PTCHD4: variants seen among roughly 807,000 people sequenced by gnomAD.
The protein encoded by PTCHD4 is patched domain containing 4.
PTCHD4 carries 33 observed loss-of-function variants against 58.1 expected under a neutral mutation model. The ratio of observed to expected loss-of-function variants is 0.57; its 90% CI spans 0.43 to 0.76. PTCHD4 has a LOEUF of 0.76. Among genes scored for constraint, PTCHD4 ranks in the 30% least tolerant of loss-of-function variants. The probability of loss-of-function intolerance (pLI) is 0.00; values close to 1 mark genes in which losing one functional copy is unlikely to be tolerated. For synonymous variants in PTCHD4, 478 were observed against 409.6 expected, an observed-to-expected ratio of 1.17 and a Z score of -2.02; for missense variants, 1,058 against 1,027.1, an observed-to-expected ratio of 1.03 and a Z score of -0.41.
intron 3 of PTCHD4, among the ~76,000 whole-genome samples, chr6:48,039,807 C>A (rs1425642716): frequency 6.6e-6 from 1 of 151,996 alleles, no homozygotes; most frequent in Admixed American, 6.6e-5. Flanking sequence ...TTCATTGCTT[C>A]CATGAACACT....
At chr6:48,001,760 G>A (rs530457510) in intron 4 of PTCHD4, among the ~76,000 whole-genome samples, 78 of 152,246 alleles carry the variant, frequency 5.1e-4, no homozygotes, top group Middle Eastern at 3.4e-3. Flanking sequence ...TTGACAAATG[G>A]GATCTAATTA....
rs1763867407 is a variant in PTCHD4 at position 47,877,101 on chromosome 6, G to A, written c.*1202C>T. ...GCAAGGAATACACTAGAGTTTATAGGATTAGAATAGTTTCCTTATGCTAAG... is the reference window on the plus strand; with the variant it reads ...GCAAGGAATACACTAGAGTTTATAGAATTAGAATAGTTTCCTTATGCTAAG... On this transcript the variant is annotated 3_prime_UTR_variant, in exon 5 of 5. Transcript: ENST00000339488. 6.6e-6 allele frequency among the ~76,000 whole-genome samples: 1 copy of A among 151,996 alleles called. No individual in the cohort carries two copies. The highest frequency in any genetic ancestry group is 6.6e-5 in the Admixed American group (1 of 15,214).
At chr6:47,982,471 T>A (rs1462541405) in intron 4 of PTCHD4, among the ~76,000 whole-genome samples, 1 of 148,570 alleles carries the variant, frequency 6.7e-6, no homozygotes, top group Non-Finnish European at 1.5e-5. Flanking sequence ...CTAGTCTGTT[T>A]TATCTCTCTC....
intron 3 of PTCHD4, among the ~76,000 whole-genome samples, chr6:48,018,705 T>G (rs545637496): frequency 6.6e-6 from 1 of 152,374 alleles, no homozygotes; most frequent in South Asian, 2.1e-4. Context: ...CAAATACTAG[T>G]ATTTCCATAA....
chr6:48,054,198 A>C (rs1468890735), intron 3 of PTCHD4, among the ~76,000 whole-genome samples: 1 of 152,216 alleles, frequency 6.6e-6, no homozygotes, highest in Non-Finnish European at 1.5e-5. Flanking sequence ...TTGAAGAATC[A>C]TTGAACTATA....
rs1438441336 is a variant in PTCHD4 at position 47,877,532 on chromosome 6, T to C, written c.*771A>G. Among the ~76,000 whole-genome samples, 1 of 152,100 alleles carries C rather than the reference T, an allele frequency of 6.6e-6. No homozygotes were observed. The highest frequency in any genetic ancestry group is 1.9e-4 in the East Asian group (1 of 5,162). The stretch of plus-strand genomic sequence containing the variant: ...AAGTCATCCAAAGCAAAAGTCTAGA[T>C]GACTGCTGACATGATATGCATAATC... On this transcript the variant is annotated 3_prime_UTR_variant, in exon 5 of 5. Coordinates refer to ENST00000339488, the MANE Select transcript of PTCHD4 (RefSeq NM_001384253.1).
Position 48,068,531 on chromosome 6 carries a change from G to A in PTCHD4, c.116C>T (p.Pro39Leu). Residue 39 changes from proline to leucine, a missense_variant, in exon 3 of 5, where the codon CCG (proline) becomes CTG (leucine). By Grantham distance (98) the Pro-to-Leu change is moderately conservative. Coordinates refer to ENST00000339488, the MANE Select transcript of PTCHD4 (RefSeq NM_001384253.1). The surrounding 1 kb of genome is among the most constrained non-coding windows in gnomAD (Gnocchi z 4.2). ...HRLGLCVSRH[P>L]VFFLTVPAVL... ...TGCGGGCACGGTGAGGAAAAAGACC[G>A]GGTGCCGGCTCACGCACAAACCCAG... 2 of 1,610,774 alleles carry A rather than the reference G, an allele frequency of 1.2e-6. No homozygotes were observed. Among genetic ancestry groups the A allele is most frequent in the East Asian group, 2.2e-5 (1 of 44,806 alleles).
At chr6:47,976,891 T>C (rs1364381135) in intron 4 of PTCHD4, among the ~76,000 whole-genome samples, 1 of 152,102 alleles carries the variant, frequency 6.6e-6, no homozygotes, top group Non-Finnish European at 1.5e-5. Context: ...CATCAGTTAT[T>C]AAGATGAAAT....
chr6:48,082,425 A>T (rs1300571041), intron 1 of PTCHD4, among the ~76,000 whole-genome samples: 1 of 152,192 alleles, frequency 6.6e-6, no homozygotes, highest in South Asian at 2.1e-4. Context: ...TAATTTCCTG[A>T]TGATAGGACA....
rs1334706709 is a variant in PTCHD4 at position 47,861,584 on chromosome 6, CA to C, written c.*16718del. The stretch of plus-strand genomic sequence containing the variant: ...CTCATTGACATTTATGTCCAACAAA[CA>C]AAAAAATCAGTATAGCAACTTCTAT... On this transcript the variant is annotated 3_prime_UTR_variant, in exon 5 of 5. Coordinates refer to ENST00000339488, the MANE Select transcript of PTCHD4 (RefSeq NM_001384253.1). Among the ~76,000 whole-genome samples the C allele has an allele frequency of 3.3e-5, 5 of 151,870 alleles. No homozygotes were observed. The highest frequency in any genetic ancestry group is 9.6e-5 in the African/African-American group (4 of 41,482).
At chr6:47,978,592 A>G (rs956886712) in intron 4 of PTCHD4, among the ~76,000 whole-genome samples, 2 of 152,214 alleles carry the variant, frequency 1.3e-5, no homozygotes, top group African/African-American at 4.8e-5. Context: ...AATTGCTATC[A>G]GTTATTTCAT....
intron 3 of PTCHD4, among the ~76,000 whole-genome samples, chr6:48,066,601 C>T (rs1280778015): frequency 9.9e-5 from 15 of 152,136 alleles, no homozygotes; most frequent in Admixed American, 1.3e-4. Flanking sequence ...GCAAAGGATT[C>T]GGGGAAATGA....
intron 4 of PTCHD4, among the ~76,000 whole-genome samples, chr6:47,926,589 T>C (rs899435379): frequency 2.0e-5 from 3 of 152,204 alleles, no homozygotes; most frequent in Non-Finnish European, 4.4e-5. Flanking sequence ...CATAAGCACA[T>C]TATAGGCTTG....
intron 4 of PTCHD4, among the ~76,000 whole-genome samples, chr6:47,951,121 T>C (rs2113946677): frequency 6.6e-6 from 1 of 152,314 alleles, no homozygotes; most frequent in Admixed American, 6.5e-5. Flanking sequence ...TTTTTTTAAA[T>C]AGGAGATATT....
intron 4 of PTCHD4, among the ~76,000 whole-genome samples, chr6:47,929,374 A>G (rs1403262962): frequency 2.0e-5 from 3 of 152,174 alleles, no homozygotes; most frequent in African/African-American, 7.2e-5. Flanking sequence ...TTATTTTTTA[A>G]CCTTTACACT....
chr6:47,995,978 A>G (rs1355451567), intron 4 of PTCHD4, among the ~76,000 whole-genome samples: 1 of 152,182 alleles, frequency 6.6e-6, no homozygotes, highest in Non-Finnish European at 1.5e-5. Flanking sequence ...CTTTTATTTT[A>G]GGTTTAACTT....
chr6:47,995,944 G>T (rs1055527192), intron 4 of PTCHD4, among the ~76,000 whole-genome samples: 3 of 152,172 alleles, frequency 2.0e-5, no homozygotes, highest in Non-Finnish European at 4.4e-5. Context: ...AATGGTAGAG[G>T]AATGGCAGTT....
chr6:48,098,345 T>TC (rs1765521149), intron 1 of PTCHD4, among the ~76,000 whole-genome samples: 1 of 134,548 alleles, frequency 7.4e-6, no homozygotes, highest in Non-Finnish European at 1.6e-5. Flanking sequence ...TCTTCTTCTT[T>TC]TTTTTTTTTT....
At chr6:47,977,089 G>A (rs896760690) in intron 4 of PTCHD4, among the ~76,000 whole-genome samples, 2 of 152,138 alleles carry the variant, frequency 1.3e-5, no homozygotes, top group African/African-American at 4.8e-5. Flanking sequence ...AAAACTGTAT[G>A]CTCACCTCTC....
Sources: gnomAD v4.1 joint callset for allele counts (sites outside exome capture counted in the v4.1 genomes callset) on GRCh38, gnomAD v4.1.1 for gene constraint, Gnocchi (gnomAD v3.1) non-coding constraint, MANE v1.5 for transcripts, NCBI Gene and HGNC (gene_info 2026-07-23, HGNC 2026-07-21) for gene names.